The following CSMD1 variants were observed in gnomAD, a reference collection of about 807,000 sequenced individuals.
CSMD1 encodes the protein CUB and sushi domain-containing protein 1.
CSMD1 carries 213 observed loss-of-function variants against 417.5 expected under a neutral mutation model. The observed-to-expected ratio is 0.51, with a 90% CI of 0.46 to 0.57. CSMD1 has a LOEUF of 0.57. CSMD1 is among the 20% of genes least tolerant of loss of function. The probability of loss-of-function intolerance (pLI) is 0.00; values close to 1 mark genes in which losing one functional copy is unlikely to be tolerated. For missense variants in CSMD1, 6,923 were observed against 4,529.7 expected (o/e 1.53, Z -15.17); for synonymous variants, 2,862 against 1,736.8 (o/e 1.65, Z -16.11).
rs563149700 is a variant in CSMD1, at chr8:4,300,841, A to G, written c.415+119112T>C. Reference sequence around the variant, plus strand: ...AGAATGATGGTTTCCAGTTTCATCCATGTCCCTACAAAGGACATGAACTCA... The same window carrying G: ...AGAATGATGGTTTCCAGTTTCATCCGTGTCCCTACAAAGGACATGAACTCA... On this transcript the variant is annotated intron_variant, in intron 3 of 69. Transcript: ENST00000635120. 1.4e-4 allele frequency among the ~76,000 whole-genome samples: 22 copies of G among 152,292 alleles called. No homozygotes were observed. In the South Asian group the frequency reaches 4.4e-3, roughly 30 times the overall value.
intron 5 of CSMD1, among the ~76,000 whole-genome samples, chr8:3,936,480 T>C (rs1044185152): frequency 2.0e-5 from 3 of 152,208 alleles, no homozygotes; most frequent in African/African-American, 7.2e-5. Context: ...AAGCCAGTGC[T>C]CATCTACCAT....
intron 3 of CSMD1, among the ~76,000 whole-genome samples, chr8:4,102,718 G>GT (rs577784751): frequency 1.6e-4 from 25 of 152,116 alleles, no homozygotes; most frequent in Non-Finnish European, 3.1e-4. Context: ...GTATCCAAAA[G>GT]ATTTTAGACA....
chr8:4,347,262 G>A (rs991890575), intron 3 of CSMD1, among the ~76,000 whole-genome samples: 1 of 151,982 alleles, frequency 6.6e-6, no homozygotes, highest in African/African-American at 2.4e-5. Context: ...CCACGATTTG[G>A]GGTAATCTCA....
At position 4,637,498 on chromosome 8, in the gene CSMD1, G is replaced by A; in HGVS notation, c.146C>T (p.Pro49Leu). Residue 49 changes from proline (P) to leucine (L), a missense_variant, in exon 2 of 70, where the codon CCT becomes CTT. Pro to Leu is a moderately conservative substitution (Grantham distance 98). Transcript: ENST00000635120. ...GTTGGCATAGTTCGGATACCCGTGA[G>A]GAAACCCTGGGCTCTCAATAGTGCC... The part of the protein sequence containing the change: ...PNGTIESPGF[P>L]HGYPNYANCT... 3.7e-6 allele frequency: 6 copies of A among 1,613,852 alleles called. No individual in the cohort carries two copies. Among genetic ancestry groups the A allele is most frequent in the Non-Finnish European group, 5.1e-6 (6 of 1,179,872 alleles).
intron 5 of CSMD1, among the ~76,000 whole-genome samples, chr8:3,804,682 G>A (rs1294160058): frequency 6.6e-6 from 1 of 152,152 alleles, no homozygotes; most frequent in Non-Finnish European, 1.5e-5. Flanking sequence ...TAAGAGAAAT[G>A]TGAGTAGGAA....
intron 3 of CSMD1, among the ~76,000 whole-genome samples, chr8:4,326,588 T>C (rs1406895804): frequency 6.6e-6 from 1 of 152,180 alleles, no homozygotes. Context: ...CAAACTTCTT[T>C]TTCTCTCCTA....
At chr8:4,037,711 G>T (rs1049103613) in intron 3 of CSMD1, among the ~76,000 whole-genome samples, 1 of 152,040 alleles carries the variant, frequency 6.6e-6, no homozygotes, top group African/African-American at 2.4e-5. Context: ...TGAGATAACA[G>T]GTCTCCAAAT....
chr8:4,903,465 T>C (rs1163813596), intron 1 of CSMD1, among the ~76,000 whole-genome samples: 5 of 152,016 alleles, frequency 3.3e-5, no homozygotes, highest in Admixed American at 6.6e-5. Flanking sequence ...CATACACCAA[T>C]TGTACAAATG....
chr8:3,378,037 G>A (rs139356461), intron 18 of CSMD1, among the ~76,000 whole-genome samples: 5 of 152,284 alleles, frequency 3.3e-5, no homozygotes, highest in Admixed American at 1.3e-4. Flanking sequence ...GGTCTTGGAG[G>A]TTGAAAATGA....
chr8:4,724,562 G>GTGTGTGTT (rs1225955638), intron 1 of CSMD1, among the ~76,000 whole-genome samples: 48 of 142,044 alleles, frequency 3.4e-4, no homozygotes, highest in African/African-American at 1.2e-3. Flanking sequence ...GTGTGTGTGT[G>GTGTGTGTT]TTTATACTCC....
intron 1 of CSMD1, among the ~76,000 whole-genome samples, chr8:4,836,505 C>T (rs1383104835): frequency 6.6e-6 from 1 of 152,150 alleles, no homozygotes; most frequent in Non-Finnish European, 1.5e-5. Flanking sequence ...TAACATGAAT[C>T]ATGCATATGC....
At chr8:4,378,391 C>G (rs185640465) in intron 3 of CSMD1, among the ~76,000 whole-genome samples, 130 of 152,310 alleles carry the variant, frequency 8.5e-4, no homozygotes, top group African/African-American at 3.0e-3. Flanking sequence ...CTCGTTTGCA[C>G]GCAAGTTGGC....
At chr8:3,642,042 C>A (rs1326296171) in intron 7 of CSMD1, among the ~76,000 whole-genome samples, 1 of 152,124 alleles carries the variant, frequency 6.6e-6, no homozygotes, top group African/African-American at 2.4e-5. Context: ...AAACCTTGAT[C>A]ACCTGGAACT....
At chr8:3,280,150 C>A (rs1322186606) in intron 26 of CSMD1, among the ~76,000 whole-genome samples, 1 of 152,108 alleles carries the variant, frequency 6.6e-6, no homozygotes, top group Non-Finnish European at 1.5e-5. Flanking sequence ...CATGCTGGGG[C>A]TTCTTATTGG....
At chr8:4,335,130 G>A (rs548053904) in intron 3 of CSMD1, among the ~76,000 whole-genome samples, 204 of 152,030 alleles carry the variant, frequency 1.3e-3, no homozygotes, top group Non-Finnish European at 2.3e-3. Context: ...TTCAACTTCT[G>A]GACTCAAGTG....
intron 18 of CSMD1, among the ~76,000 whole-genome samples, chr8:3,382,195 G>C (rs375100915): frequency 3.3e-5 from 5 of 151,942 alleles, no homozygotes; most frequent in Middle Eastern, 3.4e-3. Context: ...GGAGGCGGAG[G>C]TTTTAGTGAG....
chr8:4,554,224 C>A (rs1236268214), intron 2 of CSMD1, among the ~76,000 whole-genome samples: 9 of 152,168 alleles, frequency 5.9e-5, no homozygotes. Flanking sequence ...GCAACCTATG[C>A]TTCCCGGGTT....
At chr8:3,835,160 C>G (rs983855875) in intron 5 of CSMD1, among the ~76,000 whole-genome samples, 2 of 147,336 alleles carry the variant, frequency 1.4e-5, no homozygotes, top group Non-Finnish European at 3.0e-5. Flanking sequence ...GTCAGTGTGG[C>G]GATTCCTCAG....
At chr8:3,730,369 G>T (rs956891945) in intron 6 of CSMD1, among the ~76,000 whole-genome samples, 3 of 36,460 alleles carry the variant, frequency 8.2e-5, no homozygotes, top group East Asian at 1.3e-3. Context: ...TTTAAGGAGC[G>T]ATTTTTTTTT....
Sources: gnomAD v4.1 joint callset for allele counts (sites outside exome capture counted in the v4.1 genomes callset) on GRCh38, gnomAD v4.1.1 for gene constraint, MANE v1.5 for transcripts, NCBI Gene and HGNC (gene_info 2026-07-23, HGNC 2026-07-21) for gene names.